ZNF532: variants seen among roughly 807,000 people sequenced by gnomAD.
ZNF532 encodes the protein zinc finger protein 532.
ZNF532 carries 22 observed loss-of-function variants against 89.3 expected under a neutral mutation model. The ratio of observed to expected loss-of-function variants is 0.25; its 90% CI spans 0.18 to 0.35. The LOEUF is 0.35. ZNF532 is among the 10% of genes least tolerant of loss of function. The probability of loss-of-function intolerance (pLI) is 1.00; values close to 1 mark genes in which losing one functional copy is unlikely to be tolerated. For missense variants in ZNF532, 1,132 were observed against 1,643.4 expected (o/e 0.69, Z 5.38); for synonymous variants, 606 against 649.6 (o/e 0.93, Z 1.02).
chr18:58,924,820 G>A (rs2061403654), intron 3 of ZNF532, among the ~76,000 whole-genome samples: 2 of 152,174 alleles, frequency 1.3e-5, no homozygotes, highest in South Asian at 4.2e-4. Context: ...CAACCACTAA[G>A]CTGTTTTTCA....
At chr18:58,943,352 G>A (rs1201332494) in intron 5 of ZNF532, among the ~76,000 whole-genome samples, 3 of 151,582 alleles carry the variant, frequency 2.0e-5, no homozygotes, top group African/African-American at 7.3e-5. Flanking sequence ...AGTAGAGCCG[G>A]GGTTTCACCA....
Position 58,920,445 on chromosome 18 carries a change from C to A in ZNF532, c.2158C>A (p.Gln720Lys), listed in dbSNP as rs1441020129. ...TGGCACACACACTGTCACAAAAATT[C>A]AGTCTGGCATAACTGGGACAGTCAT... ...GAGTHTVTKIQSGITGTVISA... is the reference protein window; with the variant it reads ...GAGTHTVTKIKSGITGTVISA... The change falls in exon 3 of 10, where the codon CAG becomes AAG. Residue 720 changes from glutamine to lysine, a missense_variant. By Grantham distance (53) the Gln-to-Lys change is moderately conservative. Transcript: ENST00000591808. 6.2e-7 allele frequency: 1 copy of A among 1,613,956 alleles called. No homozygotes were observed. The highest frequency in any genetic ancestry group is 8.5e-7 in the Non-Finnish European group (1 of 1,179,864).
At chr18:58,939,226 G>A (rs1233097753) in intron 4 of ZNF532, among the ~76,000 whole-genome samples, 14 of 104,270 alleles carry the variant, frequency 1.3e-4, no homozygotes, top group Admixed American at 2.9e-4. Context: ...CAGCCTGGGC[G>A]ACAGAGCGAG....
intron 2 of ZNF532, among the ~76,000 whole-genome samples, chr18:58,882,562 C>T (rs1426528205): frequency 6.6e-6 from 1 of 152,224 alleles, no homozygotes; most frequent in Non-Finnish European, 1.5e-5. Flanking sequence ...CTGTCTCAAC[C>T]TCCCAAGTAG....
chr18:58,947,299 A>G (rs1056715150), intron 5 of ZNF532, among the ~76,000 whole-genome samples: 7 of 152,070 alleles, frequency 4.6e-5, no homozygotes, highest in African/African-American at 1.7e-4. Flanking sequence ...CTCTCAAGAC[A>G]TCTCGTGCCC....
intron 2 of ZNF532, among the ~76,000 whole-genome samples, chr18:58,900,214 C>G (rs1374465902): frequency 1.3e-5 from 2 of 152,188 alleles, no homozygotes; most frequent in East Asian, 1.9e-4. Flanking sequence ...CTGGACTCAT[C>G]GGAGGATCGC....
At position 58,877,259 on chromosome 18, in the gene ZNF532, A is replaced by G. The variant is rs144273864; in HGVS notation, c.-18+11680A>G. Among the ~76,000 whole-genome samples the G allele has an allele frequency of 1.2e-3, 176 of 152,266 alleles. 5 individuals carry two copies. In the East Asian group the frequency reaches 0.028, roughly 24 times the overall value. On this transcript the variant is annotated intron_variant, in intron 2 of 9. Coordinates refer to ENST00000591808, the MANE Select transcript of ZNF532 (RefSeq NM_001375912.1). Reference sequence around the variant, plus strand: ...CATGTAGCAGTGTTGGAAAACGGCTAGTCACATCACCTCTCCAGCACGTGA... The same window carrying G: ...CATGTAGCAGTGTTGGAAAACGGCTGGTCACATCACCTCTCCAGCACGTGA...
In ZNF532 at chr18:58,865,597, G is replaced by C. The variant is rs946250558; in HGVS notation, c.-18+18G>C. 1.3e-5 allele frequency: 2 copies of C among 152,996 alleles called. No homozygotes were observed. Among genetic ancestry groups the C allele is most frequent in the Non-Finnish European group, 2.9e-5 (2 of 68,130 alleles). The allele number at this position is 152,996 out of a possible 1,614,324, so 9.5% of individuals were successfully genotyped here. A position where few individuals can be genotyped will look rare whatever the true frequency, so the allele number is the denominator to read the frequency against. On this transcript the variant is annotated intron_variant, in intron 2 of 9. Coordinates refer to ENST00000591808, the MANE Select transcript of ZNF532 (RefSeq NM_001375912.1). ...TTCACAAGGTGAGATACGCTGTTTT[G>C]AGCATGAATTTAAATATTTATTTGC...
At chr18:58,956,790 C>T (rs2064821990) in intron 7 of ZNF532, among the ~76,000 whole-genome samples, 1 of 152,174 alleles carries the variant, frequency 6.6e-6, no homozygotes, top group South Asian at 2.1e-4. Context: ...GCAGTTCTTT[C>T]TAAAAGCATT....
At chr18:58,893,504 A>G (rs1351262924) in intron 2 of ZNF532, among the ~76,000 whole-genome samples, 1 of 151,736 alleles carries the variant, frequency 6.6e-6, no homozygotes, top group Non-Finnish European at 1.5e-5. Context: ...AAAATACCAA[A>G]TATTAGCCGG....
In ZNF532 at chr18:58,981,527, C is replaced by T; in HGVS notation, c.3321C>T (p.Val1107=). ...AACGTTTGATGCTGGAGAAGCACGT[C>T]CAGCTGATGCATGGCATCAAGGACC... ...FTKRLMLEKH[V]QLMHGIKDPD... is the part of the protein sequence containing the mutation. The change falls in exon 9 of 10, where the codon GTC becomes GTT. Residue 1107 remains valine (V), a synonymous_variant. Coordinates refer to ENST00000591808, the MANE Select transcript of ZNF532 (RefSeq NM_001375912.1). 6.2e-7 allele frequency: 1 copy of T among 1,614,090 alleles called. No homozygotes were observed. Among genetic ancestry groups the T allele is most frequent in the Non-Finnish European group, 8.5e-7 (1 of 1,180,022 alleles).
chr18:58,893,128 G>A (rs1368580910), intron 2 of ZNF532, among the ~76,000 whole-genome samples: 1 of 151,966 alleles, frequency 6.6e-6, no homozygotes, highest in African/African-American at 2.4e-5. Flanking sequence ...ACAGGCGTGT[G>A]CCACCGCACC....
chr18:58,919,667 G>A lies in ZNF532; in HGVS notation c.1380G>A (p.Thr460=), dbSNP rs1317204414. 32 of 1,613,628 alleles carry A rather than the reference G, an allele frequency of 2.0e-5. No homozygotes were observed. The highest frequency in any genetic ancestry group is 1.0e-4 in the Admixed American group (6 of 59,998). ...TAFLPVSAVK[T]AGSQVINLKL... ...TCCTCCCAGTGTCTGCTGTGAAGAC[G>A]GCAGGATCCCAAGTCATTAATTTGA... Residue 460 remains threonine (T), a synonymous_variant, in exon 3 of 10, where the codon ACG becomes ACA. Transcript: ENST00000591808. This position sits in a 1 kb window ranked among gnomAD's most constrained non-coding sequence, Gnocchi z 6.1.
intron 8 of ZNF532, chr18:58,980,080 T>C (rs1360505480): frequency 6.6e-6 from 1 of 152,172 alleles, no homozygotes; most frequent in East Asian, 1.9e-4. Context: ...AGCACTGAAA[T>C]GTTACATGGA....
chr18:58,904,838 CTTTTT>C (rs532227361), intron 2 of ZNF532, among the ~76,000 whole-genome samples: 1 of 135,180 alleles, frequency 7.4e-6, no homozygotes. Flanking sequence ...CTATTTCTTT[CTTTTT>C]TTTTTTTTTT....
intron 5 of ZNF532, among the ~76,000 whole-genome samples, chr18:58,941,488 T>TTTA (rs1555739113): frequency 6.7e-6 from 1 of 149,676 alleles, no homozygotes. Flanking sequence ...TTTTTTTTTT[T>TTTA]ATGAGACAGA....
At chr18:58,955,131 C>G (rs2064637620) in intron 7 of ZNF532, among the ~76,000 whole-genome samples, 1 of 152,134 alleles carries the variant, frequency 6.6e-6, no homozygotes, top group South Asian at 2.1e-4. Flanking sequence ...GTGGCTCATG[C>G]CTATAATCCC....
chr18:58,906,417 G>A (rs565988899), intron 2 of ZNF532, among the ~76,000 whole-genome samples: 1 of 152,246 alleles, frequency 6.6e-6, no homozygotes, highest in African/African-American at 2.4e-5. Flanking sequence ...CCCCATCAGT[G>A]TAGTTTTTTT....
At chr18:58,903,656 T>C (rs1310400944) in intron 2 of ZNF532, among the ~76,000 whole-genome samples, 1 of 151,870 alleles carries the variant, frequency 6.6e-6, no homozygotes, top group East Asian at 1.9e-4. Flanking sequence ...AAAATAATGG[T>C]ATTGAAAGAG....
Sources: allele counts gnomAD v4.1 joint callset (sites outside exome capture counted in the v4.1 genomes callset), GRCh38; gene constraint gnomAD v4.1.1; non-coding constraint Gnocchi (gnomAD v3.1); transcripts MANE v1.5; gene names NCBI Gene and HGNC (gene_info 2026-07-23, HGNC 2026-07-21).